The following PPARGC1A variants were observed in gnomAD, a reference collection of about 807,000 sequenced individuals.
PPARGC1A encodes the protein PPARG coactivator 1 alpha, also known as peroxisome proliferator-activated receptor gamma coactivator 1-alpha.
PPARGC1A carries 25 observed loss-of-function variants against 88.7 expected under a neutral mutation model. The observed-to-expected ratio is 0.28, with a 90% confidence interval of 0.21 to 0.39. The LOEUF (loss-of-function observed/expected upper bound fraction) is 0.39. Among genes scored for constraint, PPARGC1A ranks in the 10% least tolerant of loss-of-function variants. PPARGC1A has a pLI of 1.00. For missense variants in PPARGC1A, 880 were observed against 968.7 expected (o/e 0.91, Z 1.22); for synonymous variants, 363 against 355.6 (o/e 1.02, Z -0.24).
chr4:24,132,065 G>A, the PPARGC1A span, among the ~76,000 whole-genome samples: 3 of 152,156 alleles, frequency 2.0e-5, no homozygotes, highest in African/African-American at 2.4e-5. Context: ...TCCTGAGTGC[G>A]AGGAAGACAT....
At chr4:23,938,173 T>A in the PPARGC1A span, among the ~76,000 whole-genome samples, 1 of 152,152 alleles carries the variant, frequency 6.6e-6, no homozygotes, top group East Asian at 1.9e-4. Flanking sequence ...TAAAAAAAAT[T>A]CAGTTTCTGC....
chr4:23,865,701 AT>A (rs1369506079), intron 2 of PPARGC1A, among the ~76,000 whole-genome samples: 1 of 152,166 alleles, frequency 6.6e-6, no homozygotes, highest in African/African-American at 2.4e-5. Flanking sequence ...GCACATAATA[AT>A]ATGAACTCAA....
At chr4:23,846,154 A>T (rs1382020425) in intron 2 of PPARGC1A, among the ~76,000 whole-genome samples, 1 of 152,194 alleles carries the variant, frequency 6.6e-6, no homozygotes, top group African/African-American at 2.4e-5. Flanking sequence ...AAAATGTAAG[A>T]TTTACAGAAC....
At chr4:24,461,420 C>T in the PPARGC1A span, among the ~76,000 whole-genome samples, 1 of 151,864 alleles carries the variant, frequency 6.6e-6, no homozygotes, top group Non-Finnish European at 1.5e-5. Context: ...GTACTTCACA[C>T]AGTTTAAAAG....
chr4:23,874,326 C>T (rs765227328), intron 2 of PPARGC1A, among the ~76,000 whole-genome samples: 2 of 152,098 alleles, frequency 1.3e-5, no homozygotes, highest in Non-Finnish European at 2.9e-5. Context: ...AGCTGCAGCT[C>T]GCAGAAACAG....
At chr4:23,832,612 CTT>C (rs570752359) in intron 2 of PPARGC1A, among the ~76,000 whole-genome samples, 32 of 131,738 alleles carry the variant, frequency 2.4e-4, no homozygotes, top group Admixed American at 3.0e-4. Flanking sequence ...TTTTCTTTTT[CTT>C]TTTTTTTTTT....
the PPARGC1A span, among the ~76,000 whole-genome samples, chr4:24,060,388 C>A: frequency 6.6e-6 from 1 of 152,162 alleles, no homozygotes; most frequent in Non-Finnish European, 1.5e-5. Flanking sequence ...ATTTTTCATT[C>A]ATTTTAATAT....
the PPARGC1A span, among the ~76,000 whole-genome samples, chr4:24,268,287 A>G: frequency 6.6e-6 from 1 of 152,238 alleles, no homozygotes; most frequent in Non-Finnish European, 1.5e-5. Context: ...TGGCTCAGAC[A>G]GAATCCAGTA....
the PPARGC1A span, among the ~76,000 whole-genome samples, chr4:24,144,110 C>G: frequency 6.6e-6 from 1 of 152,176 alleles, no homozygotes; most frequent in Non-Finnish European, 1.5e-5. Context: ...GGGCTTATGG[C>G]CTATTTGCCA....
At chr4:23,934,972 G>T in the PPARGC1A span, among the ~76,000 whole-genome samples, 3 of 152,180 alleles carry the variant, frequency 2.0e-5, no homozygotes, top group African/African-American at 7.2e-5. Flanking sequence ...CTTTCACAAA[G>T]CTTCCCTGTC....
the PPARGC1A span, among the ~76,000 whole-genome samples, chr4:24,035,319 C>T: frequency 2.6e-4 from 40 of 152,004 alleles, no homozygotes; most frequent in African/African-American, 8.9e-4. Context: ...GCGGGCAGAT[C>T]CCTTGAGGTC....
At chr4:24,260,607 G>T in the PPARGC1A span, among the ~76,000 whole-genome samples, 1 of 152,120 alleles carries the variant, frequency 6.6e-6, no homozygotes, top group Admixed American at 6.6e-5. Flanking sequence ...CATAAGTTAT[G>T]GTGTTAATTC....
intron 2 of PPARGC1A, among the ~76,000 whole-genome samples, chr4:23,877,184 G>A (rs1398028462): frequency 6.6e-6 from 1 of 151,876 alleles, no homozygotes; most frequent in African/African-American, 2.4e-5. Context: ...ATAGGATGCT[G>A]CCTTGCTTTC....
At chr4:24,462,688 A>G in the PPARGC1A span, among the ~76,000 whole-genome samples, 5 of 151,308 alleles carry the variant, frequency 3.3e-5, no homozygotes, top group East Asian at 7.7e-4. Context: ...ATGTTACAGT[A>G]AGTGGTCTGT....
At chr4:24,173,281 A>G in the PPARGC1A span, among the ~76,000 whole-genome samples, 1 of 150,520 alleles carries the variant, frequency 6.6e-6, no homozygotes, top group Non-Finnish European at 1.5e-5. Context: ...TATCCATATT[A>G]AAAAAGCAAA....
chr4:24,269,976 C>A, the PPARGC1A span, among the ~76,000 whole-genome samples: 19 of 152,274 alleles, frequency 1.2e-4, no homozygotes, highest in Admixed American at 9.8e-4. Flanking sequence ...AGACACCCAG[C>A]TCTATGGTTA....
At chr4:24,091,928 TACACACACACACAC>T in the PPARGC1A span, among the ~76,000 whole-genome samples, 1 of 147,750 alleles carries the variant, frequency 6.8e-6, no homozygotes, top group East Asian at 2.0e-4. Context: ...CTTGCCCCAA[TACACACACACACAC>T]ACACACACAC....
the PPARGC1A span, among the ~76,000 whole-genome samples, chr4:24,119,908 G>A: frequency 6.6e-6 from 1 of 152,034 alleles, no homozygotes; most frequent in African/African-American, 2.4e-5. Flanking sequence ...AATCTTAAAA[G>A]CTTTATTAGC....
chr4:24,438,078 A>G, the PPARGC1A span, among the ~76,000 whole-genome samples: 1 of 152,214 alleles, frequency 6.6e-6, no homozygotes, highest in African/African-American at 2.4e-5. Flanking sequence ...AAGAGGACAC[A>G]GCAGAGTCCA....
Sources: gnomAD v4.1 joint callset for allele counts (sites outside exome capture counted in the v4.1 genomes callset) on GRCh38, gnomAD v4.1.1 for gene constraint, MANE v1.5 for transcripts, NCBI Gene and HGNC (gene_info 2026-07-23, HGNC 2026-07-21) for gene names.